CSMD1: variants seen among roughly 807,000 people sequenced by gnomAD.
CSMD1 encodes the protein CUB and sushi domain-containing protein 1.
CSMD1 carries 213 observed loss-of-function variants against 417.5 expected under a neutral mutation model. That is an observed-to-expected ratio of 0.51 (90% confidence interval 0.46 to 0.57). The LOEUF is 0.57. CSMD1 is among the 20% of genes least tolerant of loss of function. CSMD1 has a pLI of 0.00. For missense variants in CSMD1, 6,923 were observed against 4,529.7 expected (o/e 1.53, Z -15.17); for synonymous variants, 2,862 against 1,736.8 (o/e 1.65, Z -16.11).
intron 30 of CSMD1, among the ~76,000 whole-genome samples, chr8:3,213,453 CTCCCACTCT>C (rs1489977886): frequency 6.6e-6 from 1 of 152,152 alleles, no homozygotes; most frequent in African/African-American, 2.4e-5. Context: ...GAAGTCTACC[CTCCCACTCT>C]TCCCAGTTCA....
At chr8:4,955,488 C>A (rs1809037768) in intron 1 of CSMD1, among the ~76,000 whole-genome samples, 1 of 151,490 alleles carries the variant, frequency 6.6e-6, no homozygotes, top group African/African-American at 2.4e-5. Context: ...CAGAGTCTCA[C>A]TCTGTCACCC....
intron 7 of CSMD1, among the ~76,000 whole-genome samples, chr8:3,641,697 C>T (rs1237378822): frequency 6.6e-6 from 1 of 152,168 alleles, no homozygotes; most frequent in Non-Finnish European, 1.5e-5. Context: ...GGGCCAGGAG[C>T]TCAGAACAGG....
At chr8:3,263,678 G>C (rs867252104) in intron 26 of CSMD1, among the ~76,000 whole-genome samples, 1 of 152,214 alleles carries the variant, frequency 6.6e-6, no homozygotes, top group Non-Finnish European at 1.5e-5. Context: ...CATAAAAATA[G>C]GATAAGTGAA....
chr8:4,414,731 G>A (rs996686018), intron 3 of CSMD1, among the ~76,000 whole-genome samples: 8 of 152,166 alleles, frequency 5.3e-5, no homozygotes, highest in African/African-American at 1.7e-4. Flanking sequence ...AAAAAGTTAA[G>A]TTGTGGTTGA....
chr8:3,261,907 T>C (rs1017042661), intron 26 of CSMD1, among the ~76,000 whole-genome samples: 2 of 151,948 alleles, frequency 1.3e-5, no homozygotes, highest in Non-Finnish European at 2.9e-5. Flanking sequence ...ATCCTATTCC[T>C]GGGGGAAATG....
At chr8:4,375,159 G>C (rs192309796) in intron 3 of CSMD1, among the ~76,000 whole-genome samples, 2 of 152,144 alleles carry the variant, frequency 1.3e-5, no homozygotes, top group East Asian at 3.9e-4. Flanking sequence ...ACAGTGTTAG[G>C]GTAAAATAAC....
At chr8:3,995,575 A>G (rs1293712097) in intron 5 of CSMD1, among the ~76,000 whole-genome samples, 2 of 152,214 alleles carry the variant, frequency 1.3e-5, no homozygotes, top group African/African-American at 4.8e-5. Context: ...AATGCCGTGG[A>G]GTCAGAGACC....
At chr8:4,415,583 T>C (rs1002923048) in intron 3 of CSMD1, among the ~76,000 whole-genome samples, 1 of 152,178 alleles carries the variant, frequency 6.6e-6, no homozygotes, top group Non-Finnish European at 1.5e-5. Flanking sequence ...AGTGTTCTGT[T>C]TGATTGTTTC....
chr8:4,934,039 A>G (rs1337885982), intron 1 of CSMD1, among the ~76,000 whole-genome samples: 1 of 152,110 alleles, frequency 6.6e-6, no homozygotes, highest in Non-Finnish European at 1.5e-5. Context: ...TGATGAGATA[A>G]ATGTGTTCTA....
At chr8:4,763,619 T>A (rs1198877313) in intron 1 of CSMD1, among the ~76,000 whole-genome samples, 1 of 152,182 alleles carries the variant, frequency 6.6e-6, no homozygotes, top group Non-Finnish European at 1.5e-5. Flanking sequence ...TTTGACCTCA[T>A]TTTACCAATT....
chr8:4,098,547 G>A (rs1692246779), intron 3 of CSMD1, among the ~76,000 whole-genome samples: 1 of 152,082 alleles, frequency 6.6e-6, no homozygotes. Flanking sequence ...CTGAGAAAGT[G>A]GATTCAGTCA....
At chr8:4,032,969 G>C (rs966402404) in intron 3 of CSMD1, among the ~76,000 whole-genome samples, 1 of 151,908 alleles carries the variant, frequency 6.6e-6, no homozygotes, top group Non-Finnish European at 1.5e-5. Context: ...ATTCCGATAC[G>C]AAACACTGAC....
intron 5 of CSMD1, among the ~76,000 whole-genome samples, chr8:3,846,706 G>C (rs996711631): frequency 6.6e-6 from 1 of 152,094 alleles, no homozygotes; most frequent in East Asian, 1.9e-4. Flanking sequence ...CGCCCAGGCT[G>C]GAGTGCAGTG....
Position 3,347,925 on chromosome 8 carries a change from A to C in CSMD1, c.3474+67T>G, listed in dbSNP as rs544433252. The C allele has an allele frequency of 2.5e-5, 28 of 1,116,340 alleles. No homozygotes were observed. The African/African-American group carries it at 3.5e-4, about 14-fold the overall frequency. The allele number at this position is 1,116,340 out of a possible 1,614,324, so 69.2% of individuals were successfully genotyped here. ...TGTGCATATATCTATATGTAGAAAA[A>C]TAGATAGACAATGTATTTTTTGAGA... is the stretch of plus-strand genomic sequence containing the variant. On this transcript the variant is annotated intron_variant, in intron 22 of 69. Transcript: ENST00000635120.
rs542261817 is a variant in CSMD1, at chr8:4,360,243, C to T, written c.415+59710G>A. Among the ~76,000 whole-genome samples the T allele has an allele frequency of 3.3e-5, 5 of 152,186 alleles. No individual in the cohort carries two copies. The East Asian group carries it at 9.7e-4, about 30-fold the overall frequency. On this transcript the variant is annotated intron_variant, in intron 3 of 69. Coordinates refer to ENST00000635120, the MANE Select transcript of CSMD1 (RefSeq NM_033225.6). ...AACCCTTCTCATCTAATGTTGATTT[C>T]CTGATGAACACACATCTACCTCCCT...
intron 3 of CSMD1, among the ~76,000 whole-genome samples, chr8:4,376,865 A>AT (rs1240054775): frequency 6.6e-6 from 1 of 152,050 alleles, no homozygotes; most frequent in Non-Finnish European, 1.5e-5. Context: ...TCTGTTATGC[A>AT]TTTTTACAGG....
chr8:3,290,706 C>T (rs1402572282), intron 25 of CSMD1, among the ~76,000 whole-genome samples: 2 of 147,154 alleles, frequency 1.4e-5, no homozygotes, highest in African/African-American at 2.7e-5. Flanking sequence ...AGTTGCTTAT[C>T]AGCTTAAGGA....
chr8:4,402,682 G>C (rs1016262660), intron 3 of CSMD1, among the ~76,000 whole-genome samples: 2 of 152,012 alleles, frequency 1.3e-5, no homozygotes, highest in African/African-American at 2.4e-5. Context: ...TTACTTCATG[G>C]AGAAAATAGA....
chr8:3,525,592 G>C (rs1443665017), intron 10 of CSMD1, among the ~76,000 whole-genome samples: 1 of 152,162 alleles, frequency 6.6e-6, no homozygotes, highest in African/African-American at 2.4e-5. Flanking sequence ...GGATAAGTCT[G>C]TCACTAGGAG....
Sources: allele counts gnomAD v4.1 joint callset (sites outside exome capture counted in the v4.1 genomes callset), GRCh38; gene constraint gnomAD v4.1.1; transcripts MANE v1.5; gene names NCBI Gene and HGNC (gene_info 2026-07-23, HGNC 2026-07-21).